The following SLC1A2 variants were observed in gnomAD, a reference collection of about 807,000 sequenced individuals.
SLC1A2 encodes solute carrier family 1 member 2.
In SLC1A2, 15 loss-of-function variants were observed where a neutral mutation model predicts 48.8. The ratio of observed to expected loss-of-function variants is 0.31; its 90% CI spans 0.21 to 0.47. The LOEUF is 0.47. SLC1A2 is among the 20% of genes least tolerant of loss of function. The probability of loss-of-function intolerance (pLI) is 0.99; values close to 1 mark genes in which losing one functional copy is unlikely to be tolerated. For missense variants in SLC1A2, 502 were observed against 730.5 expected (o/e 0.69, Z 3.61); for synonymous variants, 279 against 272.6 (o/e 1.02, Z -0.23).
intron 1 of SLC1A2, among the ~76,000 whole-genome samples, chr11:35,396,340 T>C (rs1422908995): frequency 8.8e-5 from 11 of 125,290 alleles, no homozygotes; most frequent in Admixed American, 1.6e-4. Flanking sequence ...CAGCACCTGT[T>C]GTTTCCTGAC....
rs192144736 is a variant in SLC1A2, at chr11:35,323,076, C to T, written c.18-5560G>A. On this transcript the variant is annotated intron_variant, in intron 1 of 10. Transcript: ENST00000278379. ...GACAGCCTCCAAAGTCTCCTTCAGT[C>T]CCTTCTTCTATTCATTGTGTCTTCA... is the stretch of plus-strand genomic sequence containing the variant. 1.7e-4 allele frequency: 63 copies of T among 365,556 alleles called. No individual in the cohort carries two copies. The East Asian group carries it at 3.3e-3, about 19-fold the overall frequency. The allele number at this position is 365,556 out of a possible 1,614,324, so 22.6% of individuals were successfully genotyped here.
intron 1 of SLC1A2, among the ~76,000 whole-genome samples, chr11:35,371,647 T>A (rs1854067264): frequency 6.6e-6 from 1 of 152,212 alleles, no homozygotes; most frequent in Non-Finnish European, 1.5e-5. Context: ...ACTTTCACAG[T>A]TTTGTTTCTT....
At chr11:35,359,725 A>C (rs1292098257) in intron 1 of SLC1A2, among the ~76,000 whole-genome samples, 5 of 152,150 alleles carry the variant, frequency 3.3e-5, no homozygotes, top group African/African-American at 1.2e-4. Context: ...AGACCTGTGC[A>C]TTTTATTCAG....
intron 1 of SLC1A2, among the ~76,000 whole-genome samples, chr11:35,410,205 C>G (rs1855418809): frequency 6.6e-6 from 1 of 152,200 alleles, no homozygotes; most frequent in African/African-American, 2.4e-5. Context: ...CTTTGATATA[C>G]ACATACACTG....
At chr11:35,410,181 T>C (rs1855418023) in intron 1 of SLC1A2, among the ~76,000 whole-genome samples, 1 of 152,192 alleles carries the variant, frequency 6.6e-6, no homozygotes, top group African/African-American at 2.4e-5. Flanking sequence ...GTATTTGTGG[T>C]ATACAACATG....
intron 1 of SLC1A2, among the ~76,000 whole-genome samples, chr11:35,370,341 G>A (rs186539224): frequency 1.3e-3 from 194 of 152,314 alleles, no homozygotes; most frequent in African/African-American, 4.4e-3. Flanking sequence ...AGTGGCCACA[G>A]AATATTCCTC....
intron 8 of SLC1A2, chr11:35,285,210 G>C (rs1473425914): frequency 6.6e-6 from 1 of 152,234 alleles, no homozygotes; most frequent in African/African-American, 2.4e-5. Flanking sequence ...GAGGTAAACT[G>C]TGGAATAGAA....
At chr11:35,283,098 A>G (rs1850693605) in intron 8 of SLC1A2, among the ~76,000 whole-genome samples, 1 of 152,218 alleles carries the variant, frequency 6.6e-6, no homozygotes, top group African/African-American at 2.4e-5. Context: ...ACCGTGAGGA[A>G]AACACAGATA....
chr11:35,338,666 A>C (rs1852724224), intron 1 of SLC1A2, among the ~76,000 whole-genome samples: 1 of 152,212 alleles, frequency 6.6e-6, no homozygotes, highest in South Asian at 2.1e-4. Context: ...TGGAAAGAGA[A>C]TCAGTCCTAA....
At chr11:35,369,651 T>A (rs1422666135) in intron 1 of SLC1A2, among the ~76,000 whole-genome samples, 1 of 152,188 alleles carries the variant, frequency 6.6e-6, no homozygotes, top group African/African-American at 2.4e-5. Context: ...TAAAAAGAAC[T>A]TAGAATTTCT....
chr11:35,265,804 G>A (rs773891072), intron 9 of SLC1A2, 46 bp from the exon 10 acceptor site: 4 of 1,261,366 alleles, frequency 3.2e-6, no homozygotes, highest in Non-Finnish European at 1.1e-6. Flanking sequence ...GCAGTATTAT[G>A]TGGTAGTTGA....
intron 4 of SLC1A2, among the ~76,000 whole-genome samples, chr11:35,311,019 A>C (rs1443472009): frequency 6.6e-6 from 1 of 152,172 alleles, no homozygotes; most frequent in African/African-American, 2.4e-5. Context: ...ATCCTTTAAA[A>C]ATATTATGCA....
intron 1 of SLC1A2, among the ~76,000 whole-genome samples, chr11:35,340,641 TG>T (rs1291408843): frequency 6.6e-6 from 1 of 152,232 alleles, no homozygotes; most frequent in Non-Finnish European, 1.5e-5. Flanking sequence ...GTAAATTAGA[TG>T]GGATCACTTC....
rs1363752516 is a variant in SLC1A2 at position 35,254,953 on chromosome 11, G to C, written c.*5941C>G. On this transcript the variant is annotated 3_prime_UTR_variant, in exon 11 of 11. Coordinates refer to ENST00000278379, the MANE Select transcript of SLC1A2 (RefSeq NM_004171.4). ...TTAGGATAAATGAAATAGGAACTTA[G>C]GGGCATCTCTCACTTTTCTACAGGT... The C allele has an allele frequency of 3.1e-6, 1 of 327,746 alleles. No homozygotes were observed. The highest frequency in any genetic ancestry group is 2.4e-5 in the South Asian group (1 of 41,466). The allele number at this position is 327,746 out of a possible 1,614,324, so 20.3% of individuals were successfully genotyped here.
chr11:35,405,233 C>T (rs1467941730), intron 1 of SLC1A2, among the ~76,000 whole-genome samples: 1 of 152,104 alleles, frequency 6.6e-6, no homozygotes, highest in Non-Finnish European at 1.5e-5. Context: ...ATTTAGGTTG[C>T]TGGAAAACAC....
intron 3 of SLC1A2, among the ~76,000 whole-genome samples, chr11:35,313,758 A>C (rs1851781900): frequency 6.6e-6 from 1 of 151,946 alleles, no homozygotes; most frequent in Non-Finnish European, 1.5e-5. Flanking sequence ...GCACCCTTTC[A>C]CTCAATCTAG....
chr11:35,374,166 G>A, intron 1 of SLC1A2: 1 of 346,112 alleles, frequency 2.9e-6, no homozygotes, highest in Non-Finnish European at 5.7e-6. Flanking sequence ...CTCTGCTCTG[G>A]GATGCCTAGG....
chr11:35,278,267 T>A (rs1850508201), intron 9 of SLC1A2, among the ~76,000 whole-genome samples: 1 of 120,174 alleles, frequency 8.3e-6, no homozygotes, highest in South Asian at 2.6e-4. Flanking sequence ...ACTTCTGTTT[T>A]TTTTTGTTTT....
At position 35,306,181 on chromosome 11, in the gene SLC1A2, G is replaced by T; in HGVS notation, c.623C>A (p.Thr208Asn). ...GTTCAACAGAGAGACAACAGCGCTGGTTGCGTTGGCCTCCTCGTCCGGCGG... is the reference window on the plus strand; with the variant it reads ...GTTCAACAGAGAGACAACAGCGCTGTTTGCGTTGGCCTCCTCGTCCGGCGG... ...APPPDEEANA[T>N]SAVVSLLNET... The change falls in exon 5 of 11, where the codon ACC becomes AAC. Residue 208 changes from threonine to asparagine, a missense_variant. By Grantham distance (65) the Thr-to-Asn change is moderately conservative. Transcript: ENST00000278379. 1 of 1,613,946 alleles carries T rather than the reference G, an allele frequency of 6.2e-7. No homozygotes were observed. Among genetic ancestry groups the T allele is most frequent in the Non-Finnish European group, 8.5e-7 (1 of 1,179,932 alleles).
Sources: allele counts gnomAD v4.1 joint callset (sites outside exome capture counted in the v4.1 genomes callset), GRCh38; gene constraint gnomAD v4.1.1; transcripts MANE v1.5; gene names NCBI Gene and HGNC (gene_info 2026-07-23, HGNC 2026-07-21).